Variants in ANKS6 observed in about 807,000 individuals in gnomAD.
ANKS6 encodes ankyrin repeat and SAM domain-containing protein 6.
ANKS6 carries 47 observed loss-of-function variants against 77.9 expected under a neutral mutation model. That is an observed-to-expected ratio of 0.60 (90% CI 0.48 to 0.77). ANKS6 has a LOEUF of 0.77. Ranked by LOEUF, ANKS6 falls within the 30% of genes least tolerant of loss-of-function variation. The pLI is 0.00. For synonymous variants in ANKS6, 488 were observed against 501.7 expected (o/e 0.97, Z 0.37); for missense variants, 1,150 against 1,159.1 (o/e 0.99, Z 0.11).
intron 5 of ANKS6, among the ~76,000 whole-genome samples, chr9:98,782,029 C>T (rs891933488): frequency 2.6e-5 from 4 of 152,108 alleles, no homozygotes; most frequent in East Asian, 1.9e-4. Flanking sequence ...TCCCAGTACA[C>T]GACCCTTGAC....
intron 11 of ANKS6, among the ~76,000 whole-genome samples, chr9:98,762,686 A>G (rs1833080774): frequency 6.6e-6 from 1 of 152,116 alleles, no homozygotes; most frequent in Non-Finnish European, 1.5e-5. Context: ...CTAATGATTG[A>G]TTTTATAATG....
At chr9:98,750,090 C>T (rs1832346437) in intron 13 of ANKS6, among the ~76,000 whole-genome samples, 1 of 152,118 alleles carries the variant, frequency 6.6e-6, no homozygotes, top group African/African-American at 2.4e-5. Context: ...GTTGTGTAAC[C>T]ATCACCACAC....
At position 98,796,311 on chromosome 9, in the gene ANKS6, C is replaced by A; in HGVS notation, c.181G>T (p.Ala61Ser). The change falls in exon 1 of 15, where the codon GCG becomes TCG. Residue 61 changes from alanine to serine, a missense_variant. Physicochemically the swap from Ala to Ser is moderately conservative, Grantham distance 99 (BLOSUM62 1). Coordinates refer to ENST00000353234, the MANE Select transcript of ANKS6 (RefSeq NM_173551.5). ...ACCGGAGCCCCGACTGCCCCCGCCG[C>A]TGCGGCCCCGGGCCCGGCCACCTCG... ...GAEVAGPGAAAAGAVGAPVPV... is the reference protein window; with the variant it reads ...GAEVAGPGAASAGAVGAPVPV... 3.2e-6 allele frequency: 4 copies of A among 1,250,062 alleles called. No individual in the cohort carries two copies. In the South Asian group the frequency reaches 1.3e-4, roughly 40 times the overall value. The allele number at this position is 1,250,062 out of a possible 1,614,324, so 77.4% of individuals were successfully genotyped here.
At chr9:98,790,920 T>C (rs4076023) in intron 1 of ANKS6, among the ~76,000 whole-genome samples, 1 of 152,252 alleles carries the variant, frequency 6.6e-6, no homozygotes, top group Non-Finnish European at 1.5e-5. Context: ...TCAAGGGTTG[T>C]TGGGGATTAA....
At position 98,796,480 on chromosome 9, in the gene ANKS6, G is replaced by A. The variant is rs1196407883; in HGVS notation, c.12C>T (p.Gly4=). Residue 4 remains glycine, a synonymous_variant, in exon 1 of 15, where the codon GGC becomes GGT. Coordinates refer to ENST00000353234, the MANE Select transcript of ANKS6 (RefSeq NM_173551.5). ...GCAGCTGGAAGGCCGGGGGCAGCCC[G>A]CCCTCGCCCATCGCCGCCGCCACGC... MGE[G]GLPPAFQLLL... is the part of the protein sequence containing the mutation. 1.0e-6 allele frequency: 1 copy of A among 990,210 alleles called. No homozygotes were observed. Among genetic ancestry groups the A allele is most frequent in the Non-Finnish European group, 1.2e-6 (1 of 834,862 alleles). The allele number at this position is 990,210 out of a possible 1,614,324, so 61.3% of individuals were successfully genotyped here.
chr9:98,789,409 CAG>C (rs1441447034), intron 2 of ANKS6, among the ~76,000 whole-genome samples: 1 of 130,424 alleles, frequency 7.7e-6, no homozygotes, highest in East Asian at 2.1e-4. Context: ...CTTTACATGC[CAG>C]AGAGATGGCA....
intron 3 of ANKS6, 21 bp from the exon 4 acceptor site, chr9:98,784,178 C>G: frequency 1.3e-6 from 2 of 1,506,260 alleles, no homozygotes; most frequent in Non-Finnish European, 1.8e-6. Context: ...AAGCAGGAGT[C>G]CGGGTGAACT....
Position 98,773,907 on chromosome 9 carries a change from G to A in ANKS6, c.1791C>T (p.Gly597=). 6.3e-7 allele frequency: 1 copy of A among 1,583,748 alleles called. No homozygotes were observed. The highest frequency in any genetic ancestry group is 8.6e-7 in the Non-Finnish European group (1 of 1,169,140). ...CTGTGCCCCCGCCGCCCACGGGGTG[G>A]CCCCTGCTGGCTCTCTGGGGCAGCG... ...KTALPQRASR[G]HPVGGGGTDT... The change falls in exon 9 of 15, where the codon GGC becomes GGT. Residue 597 remains glycine, a synonymous_variant. Transcript: ENST00000353234.
intron 12 of ANKS6, among the ~76,000 whole-genome samples, chr9:98,754,324 T>C (rs574600275): frequency 6.1e-4 from 93 of 152,166 alleles, no homozygotes; most frequent in African/African-American, 2.2e-3. Flanking sequence ...GGACCAAATA[T>C]TTCCCAGAAG....
At chr9:98,781,711 C>A (rs1834270285) in intron 5 of ANKS6, among the ~76,000 whole-genome samples, 1 of 152,104 alleles carries the variant, frequency 6.6e-6, no homozygotes, top group African/African-American at 2.4e-5. Flanking sequence ...CTGCTGGCTA[C>A]CCCTCTAGCT....
In ANKS6 at chr9:98,778,411, C is replaced by T. The variant is rs747073459; in HGVS notation, c.1382G>A (p.Arg461Gln). ...GAGCTTTCGGAACCGATTGGACATT[C>T]GGTTCCACCAGGACTGCCAAAGGAA... ...DKGGLKSWWN[R>Q]MSNRFRKLKL... The change falls in exon 7 of 15, where the codon CGA becomes CAA. Residue 461 changes from arginine to glutamine, a missense_variant. Arg to Gln is a conservative substitution (Grantham distance 43). Transcript: ENST00000353234. 6 of 1,613,892 alleles carry T rather than the reference C, an allele frequency of 3.7e-6. No individual in the cohort carries two copies. The highest frequency in any genetic ancestry group is 1.7e-4 in the Middle Eastern group (1 of 6,044).
chr9:98,784,011 C>T lies in ANKS6; in HGVS notation c.1054G>A (p.Val352Ile), dbSNP rs778482135. Residue 352 changes from valine (V) to isoleucine (I), a missense_variant, in exon 4 of 15, where the codon GTT becomes ATT. Physicochemically the swap from Val to Ile is conservative, Grantham distance 29. Coordinates refer to ENST00000353234, the MANE Select transcript of ANKS6 (RefSeq NM_173551.5). ...VQLLVERHAD[V>I]DKQDSVHGWT... ...CCATGCACGCTGTCCTGCTTGTCAA[C>T]ATCCGCGTGCCTCTCCACCAGCAGC... 6 of 1,610,846 alleles carry T rather than the reference C, an allele frequency of 3.7e-6. No individual in the cohort carries two copies. Among genetic ancestry groups the T allele is most frequent in the Middle Eastern group, 3.7e-4 (2 of 5,386 alleles).
rs1240961074 is a variant in ANKS6 at position 98,734,045 on chromosome 9, T to A, written c.*2474A>T. ...CCAACTGACCCCTCCTCCCTGACGA[T>A]CTATAACCTACATGTTCCGTGCTGC... On this transcript the variant is annotated 3_prime_UTR_variant, in exon 15 of 15. Coordinates refer to ENST00000353234, the MANE Select transcript of ANKS6 (RefSeq NM_173551.5). 1 of 985,168 alleles carries A rather than the reference T, an allele frequency of 1.0e-6. No individual in the cohort carries two copies. Among genetic ancestry groups the A allele is most frequent in the African/African-American group, 1.7e-5 (1 of 57,174 alleles). The allele number at this position is 985,168 out of a possible 1,614,324, so 61.0% of individuals were successfully genotyped here.
intron 13 of ANKS6, among the ~76,000 whole-genome samples, chr9:98,750,023 A>G (rs1297675506): frequency 6.6e-6 from 1 of 152,256 alleles, no homozygotes; most frequent in East Asian, 1.9e-4. Context: ...GATATAATTC[A>G]TCTACCATAA....
chr9:98,795,877 G>A, intron 1 of ANKS6: 1 of 348,392 alleles, frequency 2.9e-6, no homozygotes, highest in Non-Finnish European at 5.1e-6. Context: ...AAGGTTCTAA[G>A]TCTCTACAAT....
At chr9:98,753,568 CT>C (rs1374978785) in intron 12 of ANKS6, among the ~76,000 whole-genome samples, 1 of 151,580 alleles carries the variant, frequency 6.6e-6, no homozygotes, top group African/African-American at 2.4e-5. Flanking sequence ...CTGCAGTGAG[CT>C]GTGATCACAC....
At chr9:98,790,016 T>G in intron 2 of ANKS6, 88 bp downstream of exon 2, 5 of 1,480,982 alleles carry the variant, frequency 3.4e-6, no homozygotes, top group Non-Finnish European at 4.5e-6. Flanking sequence ...GAGTTCTGCG[T>G]GTCCTTCCAG....
intron 2 of ANKS6, among the ~76,000 whole-genome samples, chr9:98,785,373 T>C (rs1564221974): frequency 6.6e-6 from 1 of 152,240 alleles, no homozygotes; most frequent in Admixed American, 6.5e-5. Flanking sequence ...TCATATTTTC[T>C]TTCCCTCCCA....
chr9:98,774,344 G>C (rs1241308524), intron 8 of ANKS6, among the ~76,000 whole-genome samples: 1 of 152,220 alleles, frequency 6.6e-6, no homozygotes, highest in East Asian at 1.9e-4. Flanking sequence ...GCGCCAAGGA[G>C]AAGCAGATGA....
Sources: gnomAD v4.1 joint callset for allele counts (sites outside exome capture counted in the v4.1 genomes callset) on GRCh38, gnomAD v4.1.1 for gene constraint, MANE v1.5 for transcripts, NCBI Gene and HGNC (gene_info 2026-07-23, HGNC 2026-07-21) for gene names.